The following VWA1 variants were observed in gnomAD, a reference collection of about 807,000 sequenced individuals.
VWA1 encodes the protein von Willebrand factor A domain-containing protein 1.
In VWA1, 12 loss-of-function variants were observed where a neutral mutation model predicts 14.9. The ratio of observed to expected loss-of-function variants is 0.80; its 90% CI spans 0.52 to 1.30. The LOEUF (loss-of-function observed/expected upper bound fraction) is 1.30. Ranked by LOEUF, VWA1 falls within the 50% of genes most tolerant of loss-of-function variation. VWA1 has a pLI of 0.00. For missense variants in VWA1, 800 were observed against 649.1 expected, an observed-to-expected ratio of 1.23 and a Z score of -2.53; for synonymous variants, 368 against 310.7, an observed-to-expected ratio of 1.18 and a Z score of -1.94.
chr1:1,437,500 C>T lies in VWA1; in HGVS notation c.631+16C>T, dbSNP rs1218165369. On this transcript the variant is annotated intron_variant, in intron 2 of 2. Coordinates refer to ENST00000476993, the MANE Select transcript of VWA1 (RefSeq NM_022834.5). ...TCCATTCTCGGTATGCGGGAGGAGG[C>T]AGGGCCCAGGGAGCCCTAGCTGGGA... The T allele has an allele frequency of 5.7e-6, 9 of 1,585,092 alleles. No individual in the cohort carries two copies. In the Admixed American group the frequency reaches 6.9e-5, roughly 12 times the overall value.
chr1:1,441,768 G>T lies in VWA1; in HGVS notation c.*1981G>T, dbSNP rs1309610104. 1 of 152,320 alleles carries T rather than the reference G, an allele frequency of 6.6e-6. No individual in the cohort carries two copies. The highest frequency in any genetic ancestry group is 2.4e-5 in the African/African-American group (1 of 41,466). 9.4% of individuals were successfully genotyped at this position (152,320 alleles called of 1,614,324 possible). ...CTCACGGAGCACCCTGCAGGTGGCA[G>T]CGGGGCACCAGGGGCTCATTCCTGG... On this transcript the variant is annotated 3_prime_UTR_variant, in exon 3 of 3. Transcript: ENST00000476993.
Position 1,439,515 on chromosome 1 carries a change from C to G in VWA1, c.1066C>G (p.Leu356Val). 1 of 1,389,550 alleles carries G rather than the reference C, an allele frequency of 7.2e-7. No individual in the cohort carries two copies. Among genetic ancestry groups the G allele is most frequent in the Non-Finnish European group, 9.3e-7 (1 of 1,075,132 alleles). 86.1% of individuals were successfully genotyped at this position (1,389,550 alleles called of 1,614,324 possible). The part of the protein sequence containing the change: ...RSLRVSWAPA[L>V]GSAAALGYHV... ...CCTCCGCGTGAGTTGGGCCCCAGCG[C>G]TGGGCTCAGCCGCGGCGCTCGGCTA... The change falls in exon 3 of 3, where the codon CTG becomes GTG. Residue 356 changes from leucine (L) to valine (V), a missense_variant. Transcript: ENST00000476993.
rs1223854672 is a variant in VWA1, at chr1:1,439,792, G to A, written c.*5G>A. The A allele has an allele frequency of 1.3e-5, 14 of 1,073,876 alleles. No homozygotes were observed. The highest frequency in any genetic ancestry group is 1.6e-5 in the Non-Finnish European group (14 of 886,814). 66.5% of individuals were successfully genotyped at this position (1,073,876 alleles called of 1,614,324 possible). A position where few individuals can be genotyped will look rare whatever the true frequency, so the allele number is the denominator to read the frequency against. The stretch of plus-strand genomic sequence containing the variant: ...ACCGCCAGCCGTGAGCCGTAAGCCG[G>A]CGTCCCCGCCCAGCCGAGAGGGCCG... On this transcript the variant is annotated 3_prime_UTR_variant, in exon 3 of 3. Coordinates refer to ENST00000476993, the MANE Select transcript of VWA1 (RefSeq NM_022834.5).
Position 1,437,451 on chromosome 1 carries a change from A to G in VWA1, c.598A>G (p.Ile200Val), listed in dbSNP as rs1570122733. 1 of 1,610,604 alleles carries G rather than the reference A, an allele frequency of 6.2e-7. No individual in the cohort carries two copies. Residue 200 changes from isoleucine (I) to valine (V), a missense_variant, in exon 2 of 3, where the codon ATC becomes GTC. By Grantham distance (29) the Ile-to-Val change is conservative. Coordinates refer to ENST00000476993, the MANE Select transcript of VWA1 (RefSeq NM_022834.5). ...LHFVDVDDLHIIVQELRGSIL... is the reference protein window; with the variant it reads ...LHFVDVDDLHVIVQELRGSIL... ...CTTTGTGGACGTGGATGACCTGCAC[A>G]TCATTGTCCAAGAGCTGAGGGGCTC...
chr1:1,436,948 G>A lies in VWA1; in HGVS notation c.95G>A (p.Arg32Gln), dbSNP rs376449591. 4 of 1,608,340 alleles carry A rather than the reference G, an allele frequency of 2.5e-6. No individual in the cohort carries two copies. Among genetic ancestry groups the A allele is most frequent in the African/African-American group, 2.7e-5 (2 of 74,856 alleles). ...AERGPPASAP[R>Q]GDLMFLLDSS... ...CCAGGTCCACCAGCATCAGCCCCCC[G>A]AGGGGACCTGATGTTCCTGCTGGAC... The change falls in exon 2 of 3, where the codon CGA (arginine) becomes CAA (glutamine). Residue 32 changes from arginine (R) to glutamine (Q), a missense_variant. Coordinates refer to ENST00000476993, the MANE Select transcript of VWA1 (RefSeq NM_022834.5).
Position 1,439,545 on chromosome 1 carries a change from G to T in VWA1, c.1096G>T (p.Val366Leu). ...LGSAAALGYH[V>L]QFGPLRGGEA... ...CTCAGCCGCGGCGCTCGGCTACCAC[G>T]TGCAGTTCGGGCCGCTGCGGGGCGG... Residue 366 changes from valine (V) to leucine (L), a missense_variant, in exon 3 of 3, where the codon GTG becomes TTG. Transcript: ENST00000476993. The T allele has an allele frequency of 6.7e-6, 9 of 1,342,014 alleles. No individual in the cohort carries two copies. The highest frequency in any genetic ancestry group is 7.6e-6 in the Non-Finnish European group (8 of 1,050,124). The allele number at this position is 1,342,014 out of a possible 1,614,324, so 83.1% of individuals were successfully genotyped here.
Position 1,439,125 on chromosome 1 carries a change from A to G in VWA1, c.676A>G (p.Ser226Gly), listed in dbSNP as rs1166548853. The change falls in exon 3 of 3, where the codon AGC becomes GGC. Residue 226 changes from serine (S) to glycine (G), a missense_variant. Ser to Gly is a moderately conservative substitution (Grantham distance 56). Coordinates refer to ENST00000476993, the MANE Select transcript of VWA1 (RefSeq NM_022834.5). ...GCTCCATGCCACGGAGATCACGTCC[A>G]GCGGCTTCCGCCTGGCCTGGCCACC... ...QQLHATEITS[S>G]GFRLAWPPLL... The G allele has an allele frequency of 6.2e-6, 10 of 1,600,700 alleles. 1 individual carries two copies. The African/African-American group carries it at 1.1e-4, about 17-fold the overall frequency.
At chr1:1,436,465 G>A (rs940440899) in intron 1 of VWA1, among the ~76,000 whole-genome samples, 2 of 152,206 alleles carry the variant, frequency 1.3e-5, no homozygotes, top group African/African-American at 2.4e-5. Flanking sequence ...CTGTGCCTCC[G>A]ACACCTTCCC....
Position 1,441,705 on chromosome 1 carries a change from G to A in VWA1, c.*1918G>A, listed in dbSNP as rs935056294. The A allele has an allele frequency of 5.9e-5, 9 of 152,384 alleles. No individual in the cohort carries two copies. Among genetic ancestry groups the A allele is most frequent in the African/African-American group, 2.2e-4 (9 of 41,470 alleles). The allele number at this position is 152,384 out of a possible 1,614,324, so 9.4% of individuals were successfully genotyped here. A position where few individuals can be genotyped will look rare whatever the true frequency, so the allele number is the denominator to read the frequency against. Reference sequence around the variant, plus strand: ...GGCAGATCTGAGCCCACGGTCACGTGAGAGGAGATGCCTCTTGCACACTGA... The same window carrying A: ...GGCAGATCTGAGCCCACGGTCACGTAAGAGGAGATGCCTCTTGCACACTGA... On this transcript the variant is annotated 3_prime_UTR_variant, in exon 3 of 3. Coordinates refer to ENST00000476993, the MANE Select transcript of VWA1 (RefSeq NM_022834.5).
rs144738139 is a variant in VWA1, at chr1:1,437,200, C to T, written c.347C>T (p.Ala116Val). 3.1e-5 allele frequency: 50 copies of T among 1,611,566 alleles called. No homozygotes were observed. Among genetic ancestry groups the T allele is most frequent in the Non-Finnish European group, 4.0e-5 (47 of 1,179,566 alleles). The change falls in exon 2 of 3, where the codon GCG becomes GTG. Residue 116 changes from alanine to valine, a missense_variant. Ala to Val is a moderately conservative substitution (Grantham distance 64). Coordinates refer to ENST00000476993, the MANE Select transcript of VWA1 (RefSeq NM_022834.5). ...QRMGDTHTGL[A>V]LVYAKEQLFA... The stretch of plus-strand genomic sequence containing the variant: ...ATGGGTGACACCCACACTGGCCTGG[C>T]GCTGGTCTATGCCAAGGAACAGCTG...
intron 2 of VWA1, 64 bp from the exon 3 acceptor site, chr1:1,439,017 G>C: frequency 6.6e-7 from 1 of 1,526,428 alleles, no homozygotes; most frequent in Admixed American, 1.9e-5. Flanking sequence ...CATCAGCCAG[G>C]GCCGCCCTCC....
intron 2 of VWA1, among the ~76,000 whole-genome samples, chr1:1,437,938 A>G (rs1421777268): frequency 6.6e-6 from 1 of 152,160 alleles, no homozygotes; most frequent in Non-Finnish European, 1.5e-5. Context: ...ACAGCCGCCG[A>G]GGGCTTTGAA....
chr1:1,437,167 C>A lies in VWA1; in HGVS notation c.314C>A (p.Ala105Asp). Residue 105 changes from alanine (A) to aspartate (D), a missense_variant, in exon 2 of 3, where the codon GCC becomes GAC. By Grantham distance (126) the Ala-to-Asp change is moderately radical. Coordinates refer to ENST00000476993, the MANE Select transcript of VWA1 (RefSeq NM_022834.5). The part of the protein sequence containing the change: ...EAAQDAVRAS[A>D]QRMGDTHTGL... ...GCCCAGGATGCGGTGCGTGCTTCTG[C>A]CCAGCGCATGGGTGACACCCACACT... The A allele has an allele frequency of 6.2e-7, 1 of 1,610,570 alleles. No individual in the cohort carries two copies. The highest frequency in any genetic ancestry group is 8.5e-7 in the Non-Finnish European group (1 of 1,178,692).
At chr1:1,435,924 C>G (rs1232688091) in intron 1 of VWA1, 103 bp downstream of exon 1, 126 of 142,962 alleles carry the variant, frequency 8.8e-4, no homozygotes, top group Middle Eastern at 3.2e-3. Context: ...GACGGGCGGG[C>G]GGGCTGGGAG....
At position 1,435,692 on chromosome 1, in the gene VWA1, C is replaced by T. The variant is rs1363860601; in HGVS notation, c.-57C>T. 4 of 1,150,230 alleles carry T rather than the reference C, an allele frequency of 3.5e-6. No homozygotes were observed. In the Admixed American group the frequency reaches 1.8e-4, roughly 52 times the overall value. The allele number at this position is 1,150,230 out of a possible 1,614,324, so 71.3% of individuals were successfully genotyped here. On this transcript the variant is annotated 5_prime_UTR_variant, in exon 1 of 3. Coordinates refer to ENST00000476993, the MANE Select transcript of VWA1 (RefSeq NM_022834.5). ...GTCCGCGCGGTGACGCGCCCTGCAG[C>T]CCCGAGCGAGCGAGCGAGCGAGCGA...
Position 1,437,407 on chromosome 1 carries a change from C to G in VWA1, c.554C>G (p.Pro185Arg), listed in dbSNP as rs1021020097. 15 of 1,612,726 alleles carry G rather than the reference C, an allele frequency of 9.3e-6. No individual in the cohort carries two copies. The highest frequency in any genetic ancestry group is 1.2e-5 in the Non-Finnish European group (14 of 1,180,004). ...GAGCTGTCAGCCGCTGCCTCAGCCC[C>G]TGCCGAGAAGCACCTGCACTTTGTG... ...FLELSAAASA[P>R]AEKHLHFVDV... The change falls in exon 2 of 3, where the codon CCT (proline) becomes CGT (arginine). Residue 185 changes from proline to arginine, a missense_variant. By Grantham distance (103) the Pro-to-Arg change is moderately radical. Coordinates refer to ENST00000476993, the MANE Select transcript of VWA1 (RefSeq NM_022834.5).
chr1:1,439,285 A>T lies in VWA1; in HGVS notation c.836A>T (p.Tyr279Phe). The change falls in exon 3 of 3, where the codon TAC (tyrosine) becomes TTC (phenylalanine). Residue 279 changes from tyrosine to phenylalanine, a missense_variant. Transcript: ENST00000476993. ...IWAGLDPDTDYDVALVPESNV... is the reference protein window; with the variant it reads ...IWAGLDPDTDFDVALVPESNV... ...GCCGGCCTCGACCCGGACACGGACT[A>T]CGACGTGGCGCTAGTGCCTGAGTCC... 6.2e-7 allele frequency: 1 copy of T among 1,602,658 alleles called. No individual in the cohort carries two copies. Among genetic ancestry groups the T allele is most frequent in the Non-Finnish European group, 8.5e-7 (1 of 1,177,438 alleles).
chr1:1,436,524 G>A (rs1437385715), intron 1 of VWA1, among the ~76,000 whole-genome samples: 4 of 152,212 alleles, frequency 2.6e-5, no homozygotes, highest in African/African-American at 9.6e-5. Flanking sequence ...GCTGAGCTGC[G>A]TGGCTGAACT....
In VWA1 at chr1:1,442,540, A is replaced by T. The variant is rs1638691165; in HGVS notation, c.*2753A>T. The T allele has an allele frequency of 6.6e-6, 1 of 152,324 alleles. No homozygotes were observed. The highest frequency in any genetic ancestry group is 2.1e-4 in the South Asian group (1 of 4,832). 9.4% of individuals were successfully genotyped at this position (152,324 alleles called of 1,614,324 possible). A position where few individuals can be genotyped will look rare whatever the true frequency, so the allele number is the denominator to read the frequency against. On this transcript the variant is annotated 3_prime_UTR_variant, in exon 3 of 3. Coordinates refer to ENST00000476993, the MANE Select transcript of VWA1 (RefSeq NM_022834.5). ...CGGTCACCTCCCACATCTGAAGAGA[A>T]CCAACCTGAGGATTTCACGCTGGCT...
Sources: gnomAD v4.1 joint callset for allele counts (sites outside exome capture counted in the v4.1 genomes callset) on GRCh38, gnomAD v4.1.1 for gene constraint, MANE v1.5 for transcripts, NCBI Gene and HGNC (gene_info 2026-07-23, HGNC 2026-07-21) for gene names.